Variants in DEAF1 observed in about 807,000 individuals in gnomAD.
DEAF1 encodes the protein deformed epidermal autoregulatory factor 1 homolog.
DEAF1 carries 53 observed loss-of-function variants against 58.9 expected under a neutral mutation model. That is an observed-to-expected ratio of 0.90 (90% CI 0.72 to 1.13). The LOEUF (loss-of-function observed/expected upper bound fraction) is 1.13. DEAF1 is among the 50% of genes most tolerant of loss of function. The pLI, the probability that DEAF1 is intolerant of heterozygous loss-of-function variation, is 0.00. For missense variants in DEAF1, 685 were observed against 791.4 expected, an observed-to-expected ratio of 0.87 and a Z score of 1.61; for synonymous variants, 385 against 340.4, an observed-to-expected ratio of 1.13 and a Z score of -1.44.
Position 703,471 on chromosome 11 carries a change from T to C in DEAF1, c.-438+3101A>G, listed in dbSNP as rs1861592567. On this transcript the variant is annotated intron_variant, in intron 1 of 11. Transcript: ENST00000683307. ...GCAGCCAGGCCTCCACAGACCCCCATGGGCCCCCAGGGCCGAGAGGGAGGA... is the reference window on the plus strand; with the variant it reads ...GCAGCCAGGCCTCCACAGACCCCCACGGGCCCCCAGGGCCGAGAGGGAGGA... 4.0e-6 allele frequency: 5 copies of C among 1,259,728 alleles called. No individual in the cohort carries two copies. In the South Asian group the frequency reaches 1.3e-4, roughly 34 times the overall value. The allele number at this position is 1,259,728 out of a possible 1,614,324, so 78.0% of individuals were successfully genotyped here.
At chr11:648,880 G>C in intron 11 of DEAF1, among the ~76,000 whole-genome samples, 1 of 152,206 alleles carries the variant, frequency 6.6e-6, no homozygotes, top group Non-Finnish European at 1.5e-5. Flanking sequence ...AGAAGGCAGT[G>C]AAAGAACAGA....
chr11:650,402 C>G, intron 11 of DEAF1, among the ~76,000 whole-genome samples: 1 of 120,346 alleles, frequency 8.3e-6, no homozygotes, highest in Non-Finnish European at 1.7e-5. Flanking sequence ...AAAAAAAAGG[C>G]AGAGACTATC....
Position 688,485 on chromosome 11 carries a change from G to C in DEAF1, c.388-25C>G, listed in dbSNP as rs1301033302. The C allele has an allele frequency of 3.7e-6, 6 of 1,613,064 alleles. No individual in the cohort carries two copies. The Admixed American group carries it at 8.3e-5, about 22-fold the overall frequency. On this transcript the variant is annotated intron_variant, in intron 2 of 11. Transcript: ENST00000382409. The surrounding 1 kb of genome is among the most constrained non-coding windows in gnomAD (Gnocchi z 4.3). Reference sequence around the variant, plus strand: ...ACTAGAAGGAAAAACCGCTCCGTCAGGTCACGTCCGAGAGTGACACCAGGC... The same window carrying C: ...ACTAGAAGGAAAAACCGCTCCGTCACGTCACGTCCGAGAGTGACACCAGGC...
In DEAF1 at chr11:684,884, C is replaced by T. The variant is rs749430059; in HGVS notation, c.870+14G>A. Reference sequence around the variant, plus strand: ...CCACCAAGTCATCCTGTTCCAGACACGCTGGCCACTTACTAAGGTCATGTC... The same window carrying T: ...CCACCAAGTCATCCTGTTCCAGACATGCTGGCCACTTACTAAGGTCATGTC... On this transcript the variant is annotated intron_variant, in intron 6 of 11. Coordinates refer to ENST00000382409, the MANE Select transcript of DEAF1 (RefSeq NM_021008.4). The T allele has an allele frequency of 8.4e-6, 13 of 1,551,190 alleles. No homozygotes were observed. The highest frequency in any genetic ancestry group is 2.0e-5 in the Admixed American group (1 of 50,962).
intron 5 of DEAF1, 126 bp from the exon 6 acceptor site, chr11:685,089 T>TTTC: frequency 3.7e-6 from 3 of 804,694 alleles, no homozygotes; most frequent in Non-Finnish European, 5.8e-6. Flanking sequence ...ATTCTTTTTT[T>TTTC]TTTTTTTTTT....
chr11:653,347 A>G (rs1174866080), intron 11 of DEAF1, among the ~76,000 whole-genome samples: 3 of 147,442 alleles, frequency 2.0e-5, no homozygotes, highest in Admixed American at 6.8e-5. Flanking sequence ...GGAGGGCTCA[A>G]TAATAGAGGA....
chr11:660,853 G>A (rs571364089), intron 10 of DEAF1, among the ~76,000 whole-genome samples: 2 of 151,664 alleles, frequency 1.3e-5, no homozygotes, highest in East Asian at 3.9e-4. Flanking sequence ...TGAAACACAA[G>A]CCCCTCTCGG....
intron 6 of DEAF1, among the ~76,000 whole-genome samples, chr11:684,156 G>A (rs912062920): frequency 7.0e-6 from 1 of 143,762 alleles, no homozygotes; most frequent in African/African-American, 2.6e-5. Context: ...AGTGGCTCAC[G>A]CCTGTAATCT....
At chr11:649,475 T>C (rs1300899433) in intron 11 of DEAF1, among the ~76,000 whole-genome samples, 1 of 149,626 alleles carries the variant, frequency 6.7e-6, no homozygotes, top group African/African-American at 2.5e-5. Context: ...ATCCCAGCAG[T>C]TTGGGAGGCC....
chr11:706,267 G>A (rs1247254979), intron 1 of DEAF1: 1 of 152,030 alleles, frequency 6.6e-6, no homozygotes, highest in Non-Finnish European at 1.5e-5. Context: ...GGGACAGGCC[G>A]AGCGCGGGGC....
At chr11:654,164 C>CTT (rs1564925638) in intron 10 of DEAF1, 113 bp from the exon 11 acceptor site, 30 of 523,464 alleles carry the variant, frequency 5.7e-5, no homozygotes, top group Middle Eastern at 5.5e-4. Context: ...CATTGGACCC[C>CTT]CTTTTTTTTT....
intron 7 of DEAF1, chr11:680,222 G>C (rs1590006203): frequency 3.5e-6 from 1 of 289,526 alleles, no homozygotes; most frequent in African/African-American, 2.2e-5. Flanking sequence ...CCACAGCAAG[G>C]CTGCCTCTCC....
upstream of DEAF1, chr11:700,056 G>A: frequency 9.1e-7 from 1 of 1,099,422 alleles, no homozygotes; most frequent in Non-Finnish European, 1.4e-6. Context: ...CCACCAAACA[G>A]ATGACAGAAC....
rs1590040327 is a variant in DEAF1 at position 703,548 on chromosome 11, T to C, written c.-438+3024A>G. The C allele has an allele frequency of 3.3e-5, 41 of 1,233,932 alleles. No individual in the cohort carries two copies. The East Asian group carries it at 1.2e-3, about 37-fold the overall frequency. The allele number at this position is 1,233,932 out of a possible 1,614,324, so 76.4% of individuals were successfully genotyped here. On this transcript the variant is annotated intron_variant, in intron 1 of 11. Coordinates refer to the DEAF1 transcript ENST00000683307. ...TCTCACTGCATCCCCCATCACCCCC[T>C]AGTTCCCCAATGGTCCTAATTTGTG... is the stretch of plus-strand genomic sequence containing the variant.
upstream of DEAF1, among the ~76,000 whole-genome samples, chr11:698,201 C>T (rs1309647908): frequency 3.3e-5 from 5 of 152,020 alleles, no homozygotes; most frequent in Non-Finnish European, 5.9e-5. Flanking sequence ...TCCAGGTCAG[C>T]GTGGATCCAG....
At chr11:695,820 C>T (rs973701600), upstream of DEAF1, 3 of 1,231,362 alleles carry the variant, frequency 2.4e-6, no homozygotes, top group Admixed American at 8.5e-5. Context: ...GCGGGCGGGG[C>T]GGGTAAGATG....
chr11:680,782 T>C (rs978547696), intron 7 of DEAF1, among the ~76,000 whole-genome samples, 181 bp downstream of exon 7: 3 of 152,186 alleles, frequency 2.0e-5, no homozygotes, highest in African/African-American at 4.8e-5. Context: ...AGCTGGGCAC[T>C]GGGACACCCC....
At position 654,056 on chromosome 11, in the gene DEAF1, A is replaced by G. The variant is rs1477582400; in HGVS notation, c.1504-5T>C. 6.2e-7 allele frequency: 1 copy of G among 1,612,740 alleles called. No individual in the cohort carries two copies. The highest frequency in any genetic ancestry group is 1.1e-5 in the South Asian group (1 of 91,030). The stretch of plus-strand genomic sequence containing the variant: ...GCCGCAGTTAACGCAGGACTGCTGC[A>G]AGAAGGACACAACAGGCCAGTCAGT... On this transcript the variant is annotated splice_polypyrimidine_tract_variant and splice_region_variant and intron_variant, in intron 10 of 11. Transcript: ENST00000382409.
intron 5 of DEAF1, among the ~76,000 whole-genome samples, chr11:685,710 T>C (rs1449108618): frequency 6.7e-6 from 1 of 150,034 alleles, no homozygotes; most frequent in Non-Finnish European, 1.5e-5. Flanking sequence ...AAAAAAAAAA[T>C]TGTGAGAAAT....
Sources: gnomAD v4.1 joint callset for allele counts (sites outside exome capture counted in the v4.1 genomes callset) on GRCh38, gnomAD v4.1.1 for gene constraint, Gnocchi (gnomAD v3.1) non-coding constraint, MANE v1.5 for transcripts, NCBI Gene and HGNC (gene_info 2026-07-23, HGNC 2026-07-21) for gene names.